ZNF521: variants seen among roughly 807,000 people sequenced by gnomAD.
The protein encoded by ZNF521 is zinc finger protein 521, also known as LYST-interacting protein 3.
ZNF521 carries 14 observed loss-of-function variants against 105.5 expected under a neutral mutation model. The ratio of observed to expected loss-of-function variants is 0.13; its 90% CI spans 0.09 to 0.21. ZNF521 has a LOEUF of 0.21. Among genes scored for constraint, ZNF521 ranks in the 10% least tolerant of loss-of-function variants. The pLI is 1.00. For synonymous variants in ZNF521, 635 were observed against 606.0 expected, an observed-to-expected ratio of 1.05 and a Z score of -0.70; for missense variants, 1,233 against 1,629.7, an observed-to-expected ratio of 0.76 and a Z score of 4.19.
chr18:25,280,801 C>A (rs968364721), intron 3 of ZNF521, among the ~76,000 whole-genome samples: 1 of 152,114 alleles, frequency 6.6e-6, no homozygotes, highest in East Asian at 1.9e-4. Flanking sequence ...GTTTTCCCAG[C>A]CTTCTAGGAA....
chr18:25,272,833 C>G (rs1453545129), intron 3 of ZNF521, among the ~76,000 whole-genome samples: 4 of 151,950 alleles, frequency 2.6e-5, no homozygotes, highest in African/African-American at 9.7e-5. Context: ...ATAGGTGCAG[C>G]CAACCACCAT....
Position 25,089,522 on chromosome 18 carries a change from G to A in ZNF521, c.3849C>T (p.Asp1283=). The A allele has an allele frequency of 6.2e-7, 1 of 1,614,180 alleles. No homozygotes were observed. Among genetic ancestry groups the A allele is most frequent in the Non-Finnish European group, 8.5e-7 (1 of 1,180,014 alleles). ...QHIFSAHGQE[D]KIYDCTQCPQ... ...GACATTGTGTACAGTCATAGATCTT[G>A]TCTTCTTGTCCATGGGCAGAGAAAA... is the stretch of plus-strand genomic sequence containing the variant. The change falls in exon 7 of 8, where the codon GAC becomes GAT. Residue 1283 remains aspartate (D), a synonymous_variant. Transcript: ENST00000361524.
At chr18:25,116,789 G>A (rs1027733720) in intron 5 of ZNF521, among the ~76,000 whole-genome samples, 8 of 150,820 alleles carry the variant, frequency 5.3e-5, no homozygotes, top group African/African-American at 2.0e-4. Context: ...AGTTATGTCT[G>A]ACTTGAAGAA....
At chr18:25,191,781 T>C (rs1438606014) in intron 5 of ZNF521, among the ~76,000 whole-genome samples, 1 of 152,204 alleles carries the variant, frequency 6.6e-6, no homozygotes, top group Admixed American at 6.5e-5. Context: ...GCAATCCCTT[T>C]GCTGGGTTAA....
intron 2 of ZNF521, among the ~76,000 whole-genome samples, chr18:25,333,173 T>C (rs1428386364): frequency 6.6e-6 from 1 of 151,792 alleles, no homozygotes; most frequent in East Asian, 1.9e-4. Context: ...TCTCCAAATA[T>C]GCATAAAGTA....
At chr18:25,276,988 G>T (rs1910071060) in intron 3 of ZNF521, among the ~76,000 whole-genome samples, 1 of 152,136 alleles carries the variant, frequency 6.6e-6, no homozygotes, top group Non-Finnish European at 1.5e-5. Flanking sequence ...TTCGAGACCA[G>T]CCTGGCCAAC....
chr18:25,062,657 A>C lies in ZNF521; in HGVS notation c.*55T>G. ...ATGAAAGTTTCGTGCAAAGAGTAAA[A>C]CATGTTCCCTTTTTGTGCCACAAAA... On this transcript the variant is annotated 3_prime_UTR_variant, in exon 8 of 8. Coordinates refer to ENST00000361524, the MANE Select transcript of ZNF521 (RefSeq NM_015461.3). 2 of 1,582,640 alleles carry C rather than the reference A, an allele frequency of 1.3e-6. No homozygotes were observed. Among genetic ancestry groups the C allele is most frequent in the Admixed American group, 3.8e-5 (2 of 53,206 alleles).
chr18:25,245,909 G>C (rs998640245), intron 3 of ZNF521, among the ~76,000 whole-genome samples: 6 of 152,162 alleles, frequency 3.9e-5, no homozygotes, highest in Non-Finnish European at 7.3e-5. Flanking sequence ...CTACTCAGAA[G>C]GCTGAGGCAA....
chr18:25,101,742 C>T (rs4524008), intron 5 of ZNF521, among the ~76,000 whole-genome samples: 56,919 of 151,922 alleles, frequency 0.37, 11,394 homozygotes, highest in South Asian at 0.54. Flanking sequence ...AGGGAAGCAG[C>T]AGGGAGAAAA....
chr18:25,155,254 G>A (rs977113806), intron 5 of ZNF521, among the ~76,000 whole-genome samples: 5 of 152,056 alleles, frequency 3.3e-5, no homozygotes, highest in African/African-American at 1.2e-4. Flanking sequence ...TGGGTTGTAT[G>A]TTTTCTTCCT....
At chr18:25,145,746 C>G in intron 5 of ZNF521, among the ~76,000 whole-genome samples, 1 of 152,204 alleles carries the variant, frequency 6.6e-6, no homozygotes, top group East Asian at 1.9e-4. Context: ...CTATTCAAAA[C>G]ACACTCTGAG....
chr18:25,212,538 A>AAAAAATATATATATATAT (rs1555647923), intron 4 of ZNF521, among the ~76,000 whole-genome samples: 2 of 48,144 alleles, frequency 4.2e-5, no homozygotes, highest in African/African-American at 2.6e-4. Context: ...AAAAAAAAAA[A>AAAAAATATATATATATAT]ATATATATAT....
chr18:25,234,850 A>G (rs1322743733), intron 3 of ZNF521, among the ~76,000 whole-genome samples: 1 of 152,094 alleles, frequency 6.6e-6, no homozygotes, highest in African/African-American at 2.4e-5. Flanking sequence ...AAAAATAAAC[A>G]AAAATAAAGA....
intron 7 of ZNF521, among the ~76,000 whole-genome samples, chr18:25,077,248 CTA>C (rs1471476348): frequency 2.0e-5 from 3 of 152,188 alleles, no homozygotes; most frequent in African/African-American, 7.2e-5. Context: ...AGAACGTGAG[CTA>C]TGTTATTCAA....
intron 5 of ZNF521, among the ~76,000 whole-genome samples, chr18:25,169,079 CAGAATAT>C (rs1161829094): frequency 6.6e-6 from 1 of 152,096 alleles, no homozygotes; most frequent in African/African-American, 2.4e-5. Flanking sequence ...ATTCCATGGA[CAGAATAT>C]ATACTTTGCT....
At chr18:25,160,315 T>C (rs889047558) in intron 5 of ZNF521, among the ~76,000 whole-genome samples, 1 of 152,246 alleles carries the variant, frequency 6.6e-6, no homozygotes, top group Non-Finnish European at 1.5e-5. Flanking sequence ...GACCTAGATA[T>C]GTTCCCTGGT....
At position 25,164,282 on chromosome 18, in the gene ZNF521, T is replaced by C. The variant is rs190078444; in HGVS notation, c.3658+30878A>G. ...GTTAACTTGCTTTCTGATGGAAGCA[T>C]GTCTAAAGATGTCCAAGTAGTCGTG... On this transcript the variant is annotated intron_variant, in intron 5 of 7. Transcript: ENST00000361524. Among the ~76,000 whole-genome samples, 173 of 152,256 alleles carry C rather than the reference T, an allele frequency of 1.1e-3. 1 individual carries two copies. Among genetic ancestry groups the C allele is most frequent in the African/African-American group, 3.7e-3 (153 of 41,562 alleles).
chr18:25,191,034 C>T lies in ZNF521; in HGVS notation c.3658+4126G>A, dbSNP rs187598344. 1.8e-4 allele frequency among the ~76,000 whole-genome samples: 27 copies of T among 152,200 alleles called. 2 individuals carry two copies. In the South Asian group the frequency reaches 5.2e-3, roughly 29 times the overall value. ...CTTTTCTAAGAGACAAACATATTTG[C>T]TTCTTCAAAATGCTTTAACATTACA... On this transcript the variant is annotated intron_variant, in intron 5 of 7. Transcript: ENST00000361524.
At chr18:25,137,731 TG>T (rs2034763248) in intron 5 of ZNF521, among the ~76,000 whole-genome samples, 1 of 152,112 alleles carries the variant, frequency 6.6e-6, no homozygotes, top group African/African-American at 2.4e-5. Flanking sequence ...TCAACCTCAT[TG>T]GGGAAGAACT....
Sources: allele counts gnomAD v4.1 joint callset (sites outside exome capture counted in the v4.1 genomes callset), GRCh38; gene constraint gnomAD v4.1.1; transcripts MANE v1.5; gene names NCBI Gene and HGNC (gene_info 2026-07-23, HGNC 2026-07-21).